Variants in CDH18 observed in about 807,000 individuals in gnomAD.
CDH18 encodes the protein cadherin 18.
A neutral mutation model predicts 67.9 loss-of-function variants in CDH18; 31 were observed. The ratio of observed to expected loss-of-function variants is 0.46; its 90% confidence interval spans 0.34 to 0.62. The LOEUF (loss-of-function observed/expected upper bound fraction) is 0.62. CDH18 is among the 20% of genes least tolerant of loss of function. The pLI is 0.01. For missense variants in CDH18, 890 were observed against 975.5 expected (o/e 0.91, Z 1.17); for synonymous variants, 362 against 347.2 (o/e 1.04, Z -0.48).
chr5:20,321,971 T>C (rs2150008327), intron 1 of CDH18, among the ~76,000 whole-genome samples: 1 of 152,264 alleles, frequency 6.6e-6, no homozygotes, highest in African/African-American at 2.4e-5. Context: ...CAAGGCTTAA[T>C]TGATATATTT....
upstream of CDH18, among the ~76,000 whole-genome samples, chr5:19,989,118 C>A (rs765853752): frequency 6.6e-6 from 1 of 152,140 alleles, no homozygotes; most frequent in Non-Finnish European, 1.5e-5. Flanking sequence ...TTAGTACTTT[C>A]TCCCCGCACG....
chr5:19,853,211 C>T (rs6873911), intron 2 of CDH18, among the ~76,000 whole-genome samples: 3 of 151,886 alleles, frequency 2.0e-5, no homozygotes, highest in African/African-American at 7.2e-5. Flanking sequence ...GGTCTCTCTT[C>T]CTTGCTTGCA....
chr5:20,196,818 C>T (rs1439164393), intron 2 of CDH18, among the ~76,000 whole-genome samples: 1 of 152,168 alleles, frequency 6.6e-6, no homozygotes, highest in Non-Finnish European at 1.5e-5. Context: ...ACCTCATCCA[C>T]AAATTCTCTC....
chr5:19,740,052 T>C (rs1299282011), intron 4 of CDH18, among the ~76,000 whole-genome samples: 1 of 152,216 alleles, frequency 6.6e-6, no homozygotes, highest in African/African-American at 2.4e-5. Context: ...AACTTTGCAG[T>C]TAAACAATCT....
chr5:20,372,479 C>A (rs1580851439), intron 1 of CDH18, among the ~76,000 whole-genome samples: 1 of 151,678 alleles, frequency 6.6e-6, no homozygotes, highest in African/African-American at 2.4e-5. Flanking sequence ...CATTAAGCAA[C>A]TTAAGAGCTA....
chr5:19,820,669 A>G (rs1439675182), intron 3 of CDH18, among the ~76,000 whole-genome samples: 2 of 152,168 alleles, frequency 1.3e-5, no homozygotes, highest in Admixed American at 1.3e-4. Context: ...AGAAATGGGG[A>G]CCTAGCACCA....
chr5:19,843,079 T>C (rs1322104173), intron 2 of CDH18, among the ~76,000 whole-genome samples: 2 of 152,152 alleles, frequency 1.3e-5, no homozygotes, highest in African/African-American at 2.4e-5. Flanking sequence ...TGGAAAGAAA[T>C]TGAAGCCAGC....
intron 8 of CDH18, among the ~76,000 whole-genome samples, chr5:19,549,237 C>A (rs969185372): frequency 6.6e-6 from 1 of 152,074 alleles, no homozygotes; most frequent in Non-Finnish European, 1.5e-5. Context: ...TAAGTGAATT[C>A]TCACTCTCAG....
intron 3 of CDH18, among the ~76,000 whole-genome samples, chr5:19,836,418 GTGA>G (rs1416797750): frequency 5.3e-5 from 8 of 152,148 alleles, no homozygotes; most frequent in Non-Finnish European, 2.9e-5. Context: ...CTAATGTCCA[GTGA>G]TGATGTACTT....
intron 2 of CDH18, among the ~76,000 whole-genome samples, chr5:19,879,718 C>A (rs1787414831): frequency 6.6e-6 from 1 of 151,918 alleles, no homozygotes; most frequent in South Asian, 2.1e-4. Context: ...ATGTGTGCAT[C>A]ACAGAGAGAT....
chr5:19,598,451 T>C (rs940932376), intron 6 of CDH18, among the ~76,000 whole-genome samples: 1 of 152,046 alleles, frequency 6.6e-6, no homozygotes, highest in African/African-American at 2.4e-5. Context: ...TTGGAAAATT[T>C]AAAATGTAGA....
At chr5:20,468,078 A>T (rs1751782796) in intron 1 of CDH18, among the ~76,000 whole-genome samples, 1 of 151,788 alleles carries the variant, frequency 6.6e-6, no homozygotes. Flanking sequence ...ACAGTGGTGC[A>T]ATCTCTGTTC....
At chr5:19,725,775 C>A (rs1202613821) in intron 4 of CDH18, among the ~76,000 whole-genome samples, 3 of 152,082 alleles carry the variant, frequency 2.0e-5, no homozygotes, top group African/African-American at 7.2e-5. Context: ...GTCTCAACAA[C>A]AACAACAACA....
In CDH18 at chr5:20,305,648, G is replaced by C. The variant is rs976859392; in HGVS notation, c.-579-50143C>G. 3.4e-5 allele frequency: 15 copies of C among 438,514 alleles called. 1 individual carries two copies. The highest frequency in any genetic ancestry group is 2.9e-5 in the Non-Finnish European group (7 of 239,388). 27.2% of individuals were successfully genotyped at this position (438,514 alleles called of 1,614,324 possible). On this transcript the variant is annotated intron_variant, in intron 1 of 14. Coordinates refer to the CDH18 transcript ENST00000507958. ...GAGACTCAAACGCCATGTCCGGGGG[G>C]TGGGGGGAGCGGCGGTAGGGGAGAT...
rs556722885 is a variant in CDH18, at chr5:19,917,481, G to C, written c.-257+63579C>G. On this transcript the variant is annotated intron_variant, in intron 2 of 12. Transcript: ENST00000382275. Reference sequence around the variant, plus strand: ...GTTTCCTGCAATATGGTCTAAAAGAGTAGCAAACACTGTATATTAAGAGTA... The same window carrying C: ...GTTTCCTGCAATATGGTCTAAAAGACTAGCAAACACTGTATATTAAGAGTA... 2.0e-5 allele frequency among the ~76,000 whole-genome samples: 3 copies of C among 152,196 alleles called. No individual in the cohort carries two copies. The South Asian group carries it at 6.2e-4, about 32-fold the overall frequency.
intron 1 of CDH18, among the ~76,000 whole-genome samples, chr5:20,380,075 T>A (rs1424785733): frequency 6.6e-6 from 1 of 152,154 alleles, no homozygotes; most frequent in Non-Finnish European, 1.5e-5. Context: ...AAAGTGGATA[T>A]CTTTGCAAAA....
In CDH18 at chr5:19,785,329, C is replaced by T. The variant is rs544579420; in HGVS notation, c.229-38093G>A. Among the ~76,000 whole-genome samples the T allele has an allele frequency of 1.1e-4, 17 of 151,910 alleles. No homozygotes were observed. In the South Asian group the frequency reaches 3.5e-3, roughly 32 times the overall value. On this transcript the variant is annotated intron_variant, in intron 3 of 12. Coordinates refer to ENST00000382275, the MANE Select transcript of CDH18 (RefSeq NM_004934.5). ...CATAAAGCTAATTACACAATTAGTA[C>T]ACTGCCCAGCACATAGTAGCCACTC... is the stretch of plus-strand genomic sequence containing the variant.
intron 1 of CDH18, among the ~76,000 whole-genome samples, chr5:20,484,445 A>G (rs1294736453): frequency 6.6e-6 from 1 of 152,090 alleles, no homozygotes; most frequent in Non-Finnish European, 1.5e-5. Flanking sequence ...ACCAAAACAA[A>G]GAAAATCAGT....
intron 1 of CDH18, among the ~76,000 whole-genome samples, chr5:20,550,611 T>C (rs1225023941): frequency 1.3e-5 from 2 of 152,182 alleles, no homozygotes; most frequent in Non-Finnish European, 2.9e-5. Flanking sequence ...AAAGAATATG[T>C]CATCATAAAT....
Sources: allele counts gnomAD v4.1 joint callset (sites outside exome capture counted in the v4.1 genomes callset), GRCh38; gene constraint gnomAD v4.1.1; transcripts MANE v1.5; gene names NCBI Gene and HGNC (gene_info 2026-07-23, HGNC 2026-07-21).